The following DLGAP2 variants were observed in gnomAD, a reference collection of about 807,000 sequenced individuals.
DLGAP2 encodes DLG associated protein 2, also known as disks large-associated protein 2.
In DLGAP2, 26 loss-of-function variants were observed where a neutral mutation model predicts 100.3. The observed-to-expected ratio is 0.26, with a 90% CI of 0.19 to 0.36. DLGAP2 has a LOEUF of 0.36. DLGAP2 is among the 10% of genes least tolerant of loss of function. The probability of loss-of-function intolerance (pLI) is 1.00; values close to 1 mark genes in which losing one functional copy is unlikely to be tolerated. For missense variants in DLGAP2, 1,858 were observed against 1,453.2 expected, an observed-to-expected ratio of 1.28 and a Z score of -4.53; for synonymous variants, 886 against 630.1, an observed-to-expected ratio of 1.41 and a Z score of -6.08.
chr8:1,072,014 C>T (rs1252286013), intron 2 of DLGAP2, among the ~76,000 whole-genome samples: 1 of 152,148 alleles, frequency 6.6e-6, no homozygotes, highest in African/African-American at 2.4e-5. Flanking sequence ...CTGCCTGGGC[C>T]TTGAAGGCAG....
At position 1,632,736 on chromosome 8, in the gene DLGAP2, G is replaced by A. The variant is rs1797677532; in HGVS notation, c.1591-91G>A. The A allele has an allele frequency of 7.6e-6, 10 of 1,316,014 alleles. No individual in the cohort carries two copies. The South Asian group carries it at 1.4e-4, about 19-fold the overall frequency. The allele number at this position is 1,316,014 out of a possible 1,614,324, so 81.5% of individuals were successfully genotyped here. A position where few individuals can be genotyped will look rare whatever the true frequency, so the allele number is the denominator to read the frequency against. On this transcript the variant is annotated intron_variant, in intron 7 of 14. Coordinates refer to ENST00000637795, the MANE Select transcript of DLGAP2 (RefSeq NM_001346810.2). ...CTGAACTATGAGGCAGTGAAAGGCA[G>A]CCTGGGAATGAGCGCGCTCTCCTGG...
chr8:1,199,130 A>G (rs73538037), intron 2 of DLGAP2, among the ~76,000 whole-genome samples: 1,957 of 152,368 alleles, frequency 0.013, 33 homozygotes, highest in South Asian at 0.063. Context: ...ACATACACAC[A>G]ACAACAACCG....
intron 2 of DLGAP2, among the ~76,000 whole-genome samples, chr8:1,257,912 A>G (rs1799263125): frequency 6.6e-6 from 1 of 152,178 alleles, no homozygotes; most frequent in Non-Finnish European, 1.5e-5. Flanking sequence ...TGTTCTCAGG[A>G]AAGTGGATGG....
intron 2 of DLGAP2, among the ~76,000 whole-genome samples, chr8:1,111,229 C>G (rs963497047): frequency 6.6e-6 from 1 of 152,100 alleles, no homozygotes; most frequent in South Asian, 2.1e-4. Flanking sequence ...TCCGACTTGC[C>G]TAGTTTCCTG....
intron 3 of DLGAP2, among the ~76,000 whole-genome samples, chr8:1,419,892 C>G (rs1348525336): frequency 6.6e-6 from 1 of 152,136 alleles, no homozygotes; most frequent in African/African-American, 2.4e-5. Flanking sequence ...GCACCATTCA[C>G]AATAGCCAGG....
At chr8:954,970 G>C (rs1022278028) in intron 2 of DLGAP2, among the ~76,000 whole-genome samples, 46 of 152,158 alleles carry the variant, frequency 3.0e-4, no homozygotes, top group African/African-American at 1.1e-3. Flanking sequence ...CTGCCTAGAA[G>C]AGAACGAGGA....
At chr8:898,645 G>C (rs1270965530) in intron 1 of DLGAP2, among the ~76,000 whole-genome samples, 2 of 148,062 alleles carry the variant, frequency 1.4e-5, no homozygotes, top group African/African-American at 5.0e-5. Flanking sequence ...GCAGCTCATT[G>C]CTGGGTCCTC....
At chr8:1,499,457 T>C (rs143403023) in intron 3 of DLGAP2, among the ~76,000 whole-genome samples, 1 of 152,362 alleles carries the variant, frequency 6.6e-6, no homozygotes, top group South Asian at 2.1e-4. Context: ...TACTCACACA[T>C]ATGACGATGG....
intron 1 of DLGAP2, among the ~76,000 whole-genome samples, chr8:825,212 C>G (rs923683498): frequency 6.6e-6 from 1 of 152,170 alleles, no homozygotes; most frequent in African/African-American, 2.4e-5. Flanking sequence ...ACATACATGC[C>G]CTGGACGCCT....
chr8:1,261,961 T>A (rs891185967), intron 3 of DLGAP2, among the ~76,000 whole-genome samples: 9 of 152,156 alleles, frequency 5.9e-5, no homozygotes, highest in African/African-American at 2.2e-4. Context: ...GCTCATTACA[T>A]CCAGAAGGTT....
intron 3 of DLGAP2, among the ~76,000 whole-genome samples, chr8:1,436,489 CCA>C (rs1412521782): frequency 1.3e-5 from 2 of 152,174 alleles, no homozygotes; most frequent in African/African-American, 2.4e-5. Context: ...CCCACTGACT[CCA>C]GTGTTAATCT....
At position 1,228,614 on chromosome 8, in the gene DLGAP2, G is replaced by A. The variant is rs79875782; in HGVS notation, c.74-30237G>A. 8.1e-3 allele frequency among the ~76,000 whole-genome samples: 1,236 copies of A among 152,248 alleles called. 10 individuals are homozygous for A. Among genetic ancestry groups the A allele is most frequent in the Non-Finnish European group, 0.014 (952 of 68,012 alleles). The stretch of plus-strand genomic sequence containing the variant: ...ACATACCCAACTAGATTTTTTCCAG[G>A]ATTTCAAGTTTGTTTTGACATCTGC... On this transcript the variant is annotated intron_variant, in intron 2 of 14. Coordinates refer to ENST00000637795, the MANE Select transcript of DLGAP2 (RefSeq NM_001346810.2).
chr8:918,514 C>T (rs890194845), intron 2 of DLGAP2, among the ~76,000 whole-genome samples: 6 of 152,108 alleles, frequency 3.9e-5, no homozygotes, highest in Admixed American at 2.0e-4. Context: ...TGTGTCTGTG[C>T]CACGCTGTGT....
intron 3 of DLGAP2, among the ~76,000 whole-genome samples, chr8:1,325,846 A>G (rs1801009393): frequency 6.6e-6 from 1 of 152,210 alleles, no homozygotes; most frequent in South Asian, 2.1e-4. Flanking sequence ...AGGACCGTCC[A>G]TGGAGATGGC....
chr8:1,075,814 C>G (rs546448528), intron 2 of DLGAP2, among the ~76,000 whole-genome samples: 2 of 152,096 alleles, frequency 1.3e-5, no homozygotes, highest in Admixed American at 1.3e-4. Flanking sequence ...GGCCTGTAAT[C>G]CCAGCACCTT....
At chr8:1,105,493 G>C (rs1804726126) in intron 2 of DLGAP2, among the ~76,000 whole-genome samples, 1 of 152,200 alleles carries the variant, frequency 6.6e-6, no homozygotes. Flanking sequence ...GAGATGCAGG[G>C]AGGGGGTAGC....
chr8:1,503,120 G>A (rs751660623), intron 4 of DLGAP2, among the ~76,000 whole-genome samples: 14 of 152,216 alleles, frequency 9.2e-5, no homozygotes, highest in Non-Finnish European at 1.6e-4. Flanking sequence ...GTGGCTTGGT[G>A]AAGGCTGGAT....
chr8:1,349,369 G>A (rs1801649616), intron 3 of DLGAP2, among the ~76,000 whole-genome samples: 1 of 148,878 alleles, frequency 6.7e-6, no homozygotes, highest in Non-Finnish European at 1.5e-5. Flanking sequence ...TGAGCCTCGT[G>A]CCCACATCCA....
chr8:1,559,376 G>A lies in DLGAP2; in HGVS notation c.1231-6307G>A, dbSNP rs139991474. ...CGAATGCTGTAACATAACGGAGAGA[G>A]ATTTGTTTGCTGAGGCAGGCTGGCA... On this transcript the variant is annotated intron_variant, in intron 5 of 14. Transcript: ENST00000637795. 1.7e-3 allele frequency among the ~76,000 whole-genome samples: 253 copies of A among 152,294 alleles called. 2 individuals carry two copies. Among genetic ancestry groups the A allele is most frequent in the African/African-American group, 5.8e-3 (242 of 41,562 alleles).
Sources: gnomAD v4.1 joint callset for allele counts (sites outside exome capture counted in the v4.1 genomes callset) on GRCh38, gnomAD v4.1.1 for gene constraint, MANE v1.5 for transcripts, NCBI Gene and HGNC (gene_info 2026-07-23, HGNC 2026-07-21) for gene names.